Variants in ADAP1 observed in about 807,000 individuals in gnomAD.
ADAP1 encodes the protein arf-GAP with dual PH domain-containing protein 1.
In ADAP1, 31 loss-of-function variants were observed where a neutral mutation model predicts 54.9. That is an observed-to-expected ratio of 0.56 (90% CI 0.42 to 0.76). The LOEUF (loss-of-function observed/expected upper bound fraction) is 0.76, where lower values mean the gene tolerates loss of function less well. ADAP1 is among the 30% of genes least tolerant of loss of function. ADAP1 has a pLI of 0.00. For synonymous variants in ADAP1, 313 were observed against 202.6 expected (o/e 1.55, Z -4.63); for missense variants, 535 against 512.4 (o/e 1.04, Z -0.42).
intron 2 of ADAP1, chr7:927,485 T>C: frequency 4.2e-6 from 2 of 471,406 alleles, no homozygotes; most frequent in Non-Finnish European, 8.8e-6. Flanking sequence ...TTCAAGCTCC[T>C]GAACACCACT....
At chr7:924,011 C>G (rs1406872967) in intron 3 of ADAP1, among the ~76,000 whole-genome samples, 2 of 151,634 alleles carry the variant, frequency 1.3e-5, no homozygotes, top group Non-Finnish European at 3.0e-5. Context: ...ATGTAGGCAC[C>G]CCCCGCCCTC....
At chr7:933,373 A>C (rs1383245642) in intron 2 of ADAP1, among the ~76,000 whole-genome samples, 6 of 152,228 alleles carry the variant, frequency 3.9e-5, no homozygotes, top group South Asian at 2.1e-4. Flanking sequence ...AGGCACTGGG[A>C]TCCCAGCTGT....
chr7:935,003 C>A, intron 2 of ADAP1: 1 of 375,718 alleles, frequency 2.7e-6, no homozygotes, highest in Non-Finnish European at 5.3e-6. Flanking sequence ...CGGCCTGGGA[C>A]GCTGCATTCT....
In ADAP1 at chr7:927,834, T is replaced by A. The variant is rs1193879145; in HGVS notation, c.214-1190A>T. Among the ~76,000 whole-genome samples, 5 of 151,332 alleles carry A rather than the reference T, an allele frequency of 3.3e-5. No homozygotes were observed. The East Asian group carries it at 7.7e-4, about 23-fold the overall frequency. On this transcript the variant is annotated intron_variant, in intron 2 of 10. Transcript: ENST00000265846. ...GTAGAAAAATGTCTCCTTATGGGAGTCTACATGTTTTTTATAATAATTGCC... is the reference window on the plus strand; with the variant it reads ...GTAGAAAAATGTCTCCTTATGGGAGACTACATGTTTTTTATAATAATTGCC...
In ADAP1 at chr7:946,640, T is replaced by C. The variant is rs113540766; in HGVS notation, c.82+7756A>G. ...GGTGAAGGCCATCCCCAGTCCTCCC[T>C]GGACCCACCCTGTCCCGGAGCCCAC... On this transcript the variant is annotated intron_variant, in intron 1 of 10. Transcript: ENST00000265846. This position sits in a 1 kb window ranked among gnomAD's most constrained non-coding sequence, Gnocchi z 4.3. Among the ~76,000 whole-genome samples, 11,703 of 126,362 alleles carry C rather than the reference T, an allele frequency of 0.093. 620 individuals are homozygous for C. The highest frequency in any genetic ancestry group is 0.27 in the East Asian group (1,144 of 4,228). 82.9% of individuals were successfully genotyped at this position (126,362 alleles called of 152,430 possible).
intron 4 of ADAP1, among the ~76,000 whole-genome samples, chr7:906,696 T>TGGGGGACGGG (rs1562915237): frequency 8.0e-5 from 2 of 25,044 alleles, no homozygotes; most frequent in African/African-American, 2.2e-4. Context: ...ACGGGGGACA[T>TGGGGGACGGG]GGACATGGGG....
chr7:916,865 C>T (rs935966364), intron 4 of ADAP1, among the ~76,000 whole-genome samples: 4 of 152,092 alleles, frequency 2.6e-5, no homozygotes, highest in Non-Finnish European at 4.4e-5. Flanking sequence ...AGCCTCCCAC[C>T]GGTCACCCCT....
At chr7:951,962 C>G (rs1458275569) in intron 1 of ADAP1, among the ~76,000 whole-genome samples, 1 of 152,180 alleles carries the variant, frequency 6.6e-6, no homozygotes, top group Non-Finnish European at 1.5e-5. Context: ...CCACCGCGCC[C>G]GGTCCCTGTC....
At chr7:935,334 C>G (rs1186678785) in intron 2 of ADAP1, 41 bp downstream of exon 2, 2 of 1,543,954 alleles carry the variant, frequency 1.3e-6, no homozygotes, top group Non-Finnish European at 1.7e-6. Flanking sequence ...CTGAGGCCAC[C>G]CGGGGACTGC....
intron 1 of ADAP1, among the ~76,000 whole-genome samples, chr7:940,541 T>C (rs779567667): frequency 6.6e-6 from 1 of 152,200 alleles, no homozygotes; most frequent in African/African-American, 2.4e-5. Flanking sequence ...ATTTAAAAGA[T>C]GGATACTACC....
At chr7:935,868 G>A (rs899160501) in intron 1 of ADAP1, among the ~76,000 whole-genome samples, 1 of 152,192 alleles carries the variant, frequency 6.6e-6, no homozygotes, top group Non-Finnish European at 1.5e-5. Flanking sequence ...CTTTCCTCGT[G>A]TCCGCTGCCC....
chr7:947,320 G>T (rs1038422675), intron 1 of ADAP1, among the ~76,000 whole-genome samples: 1 of 148,138 alleles, frequency 6.8e-6, no homozygotes, highest in Non-Finnish European at 1.5e-5. Flanking sequence ...GCCTCCCAAA[G>T]TGCTGGGATC....
chr7:950,718 G>T (rs747584922), intron 1 of ADAP1, among the ~76,000 whole-genome samples: 4 of 151,450 alleles, frequency 2.6e-5, no homozygotes, highest in Admixed American at 1.3e-4. Context: ...TTAGCCGGGC[G>T]TGGTGGCAGG....
intron 2 of ADAP1, among the ~76,000 whole-genome samples, chr7:929,065 G>C (rs972012525): frequency 6.6e-5 from 10 of 152,166 alleles, no homozygotes; most frequent in Non-Finnish European, 1.3e-4. Context: ...AGGCAGAGGT[G>C]GGCAGATCAC....
chr7:950,031 TG>T (rs1207394466), intron 1 of ADAP1, among the ~76,000 whole-genome samples: 2 of 152,096 alleles, frequency 1.3e-5, no homozygotes, highest in East Asian at 3.9e-4. Flanking sequence ...GGCCCAGAGG[TG>T]GGAGCAGCCC....
At chr7:905,569 A>G (rs1845170576) in intron 4 of ADAP1, 1 of 93,304 alleles carries the variant, frequency 1.1e-5, no homozygotes, top group Non-Finnish European at 2.4e-5. Context: ...GAGAAAGGAG[A>G]AAGGAGAAAG....
chr7:913,198 CTTTTTTTTT>C (rs10698107), intron 4 of ADAP1, among the ~76,000 whole-genome samples: 6 of 104,204 alleles, frequency 5.8e-5, no homozygotes, highest in Non-Finnish European at 1.1e-4. Context: ...CCTCCCCTTC[CTTTTTTTTT>C]TTTTTTTTTT....
At chr7:944,599 G>T (rs1847092373) in intron 1 of ADAP1, among the ~76,000 whole-genome samples, 1 of 151,994 alleles carries the variant, frequency 6.6e-6, no homozygotes, top group African/African-American at 2.4e-5. Flanking sequence ...GTACATAAGA[G>T]GTGTATATAT....
Position 905,210 on chromosome 7 carries a change from TG to T in ADAP1, c.389-39del, listed in dbSNP as rs143989050. On this transcript the variant is annotated intron_variant, in intron 4 of 10. Transcript: ENST00000265846. Reference sequence around the variant, plus strand: ...GGGGACACGAGTCGGTGACAGTGGATGGGGGGGAGGAAACAAAAGGAGTGAC... The same window carrying T: ...GGGGACACGAGTCGGTGACAGTGGATGGGGGGAGGAAACAAAAGGAGTGAC... 0.012 allele frequency: 17,781 copies of T among 1,463,104 alleles called. 1,436 individuals are homozygous for T. The African/African-American group carries it at 0.2, about 17-fold the overall frequency. The allele number at this position is 1,463,104 out of a possible 1,614,324, so 90.6% of individuals were successfully genotyped here.
Sources: allele counts gnomAD v4.1 joint callset (sites outside exome capture counted in the v4.1 genomes callset), GRCh38; gene constraint gnomAD v4.1.1; non-coding constraint Gnocchi (gnomAD v3.1); transcripts MANE v1.5; gene names NCBI Gene and HGNC (gene_info 2026-07-23, HGNC 2026-07-21).